Variants in MIA2 observed in about 807,000 individuals in gnomAD.
MIA2 encodes the protein melanoma inhibitory activity protein 2.
A neutral mutation model predicts 167.8 loss-of-function variants in MIA2; 127 were observed. The ratio of observed to expected loss-of-function variants is 0.76; its 90% CI spans 0.66 to 0.88. MIA2 has a LOEUF of 0.88. Among genes scored for constraint, MIA2 ranks in the 40% least tolerant of loss-of-function variants. The pLI is 0.00. For synonymous variants in MIA2, 552 were observed against 541.9 expected (o/e 1.02, Z -0.26); for missense variants, 1,690 against 1,624.7 (o/e 1.04, Z -0.69).
At chr14:39,308,180 T>G (rs933328613) in intron 17 of MIA2, among the ~76,000 whole-genome samples, 1 of 152,178 alleles carries the variant, frequency 6.6e-6, no homozygotes, top group Non-Finnish European at 1.5e-5. Flanking sequence ...GCGATGGTTA[T>G]GCTAATTACC....
chr14:39,243,358 A>G (rs2054144811), intron 3 of MIA2, among the ~76,000 whole-genome samples: 2 of 152,088 alleles, frequency 1.3e-5, no homozygotes, highest in Non-Finnish European at 2.9e-5. Context: ...ATATGGGAGT[A>G]TTTACTAGAG....
chr14:39,288,453 A>ATTTTTTTTT (rs1566747188), intron 9 of MIA2, among the ~76,000 whole-genome samples: 1 of 13,804 alleles, frequency 7.2e-5, no homozygotes, highest in African/African-American at 2.0e-4. Context: ...ATATATATAT[A>ATTTTTTTTT]TATATATATA....
chr14:39,308,969 G>A (rs1348479795), intron 18 of MIA2, among the ~76,000 whole-genome samples: 1 of 152,168 alleles, frequency 6.6e-6, no homozygotes, highest in Non-Finnish European at 1.5e-5. Context: ...CTGCCCAGGT[G>A]TTCCTTGGCT....
intron 13 of MIA2, among the ~76,000 whole-genome samples, chr14:39,298,257 T>C (rs555702907): frequency 2.4e-4 from 37 of 151,820 alleles, no homozygotes; most frequent in African/African-American, 8.2e-4. Flanking sequence ...CTGTATTCAC[T>C]GATGCCATGT....
chr14:39,382,953 GTTTTTTT>G (rs10689511), intron 23 of MIA2, among the ~76,000 whole-genome samples: 16 of 75,044 alleles, frequency 2.1e-4, no homozygotes, highest in Admixed American at 6.6e-4. Context: ...TATGGCCACA[GTTTTTTT>G]TTTTTTTTTT....
chr14:39,298,548 T>TTTG (rs1566804738), intron 13 of MIA2, among the ~76,000 whole-genome samples: 1 of 141,218 alleles, frequency 7.1e-6, no homozygotes, highest in Non-Finnish European at 1.5e-5. Context: ...TTTTTTTTTT[T>TTTG]TTTTTTGTGA....
intron 14 of MIA2, among the ~76,000 whole-genome samples, chr14:39,300,957 CAT>C (rs1566818252): frequency 1.4e-5 from 2 of 141,660 alleles, no homozygotes; most frequent in African/African-American, 2.7e-5. Context: ...TATACACATA[CAT>C]ATACACATAT....
intron 6 of MIA2, among the ~76,000 whole-genome samples, chr14:39,262,742 A>C (rs377010793): frequency 6.6e-6 from 1 of 151,966 alleles, no homozygotes; most frequent in Admixed American, 6.6e-5. Context: ...TCCCTTGTAA[A>C]TTGGATTCCT....
At chr14:39,333,581 G>A (rs2069477770) in intron 25 of MIA2, among the ~76,000 whole-genome samples, 2 of 152,114 alleles carry the variant, frequency 1.3e-5, no homozygotes, top group African/African-American at 4.8e-5. Flanking sequence ...AGTTTTGACT[G>A]CTGTGTGCTG....
At chr14:39,264,550 TG>T (rs1486424826) in intron 6 of MIA2, among the ~76,000 whole-genome samples, 1 of 152,250 alleles carries the variant, frequency 6.6e-6, no homozygotes, top group African/African-American at 2.4e-5. Context: ...TGAGTTCTAA[TG>T]TTTATATATT....
chr14:39,315,431 T>C, intron 20 of MIA2: 1 of 357,528 alleles, frequency 2.8e-6, no homozygotes, highest in Non-Finnish European at 5.0e-6. Flanking sequence ...ATATGTTAAC[T>C]GGCAATTCCT....
chr14:39,339,267 C>T (rs2071223798), intron 25 of MIA2, among the ~76,000 whole-genome samples: 2 of 152,148 alleles, frequency 1.3e-5, no homozygotes, highest in Non-Finnish European at 2.9e-5. Context: ...AAGGTACTGG[C>T]CCGCAGCCCA....
At chr14:39,265,159 G>A (rs915634914) in intron 6 of MIA2, 3 of 347,852 alleles carry the variant, frequency 8.6e-6, no homozygotes, top group African/African-American at 6.6e-5. Flanking sequence ...ATGTGTGTGA[G>A]TATATATATA....
intron 10 of MIA2, among the ~76,000 whole-genome samples, chr14:39,292,036 T>TTTAC (rs2060805598): frequency 6.6e-6 from 1 of 152,230 alleles, no homozygotes; most frequent in South Asian, 2.1e-4. Flanking sequence ...TGATTCAGAA[T>TTTAC]TTTCTAGTAG....
chr14:39,263,403 T>C (rs2055227473), intron 6 of MIA2, among the ~76,000 whole-genome samples: 1 of 151,512 alleles, frequency 6.6e-6, no homozygotes, highest in Admixed American at 6.6e-5. Context: ...TTTTTTTTTT[T>C]CTAAATTTTT....
intron 6 of MIA2, among the ~76,000 whole-genome samples, chr14:39,254,622 T>TA (rs1180441097): frequency 6.6e-6 from 1 of 152,206 alleles, no homozygotes; most frequent in Admixed American, 6.5e-5. Context: ...ATGCGCTGTC[T>TA]AAAGGATAAA....
At chr14:39,330,625 A>G (rs1296872823) in intron 25 of MIA2, among the ~76,000 whole-genome samples, 2 of 152,116 alleles carry the variant, frequency 1.3e-5, no homozygotes, top group Non-Finnish European at 2.9e-5. Flanking sequence ...CCCTCTAAAC[A>G]CTGCTTTAGC....
chr14:39,320,798 C>T (rs1301341136), intron 23 of MIA2, 130 bp from the exon 24 acceptor site: 2 of 895,610 alleles, frequency 2.2e-6, no homozygotes, highest in African/African-American at 1.7e-5. Flanking sequence ...TCAAAGGATA[C>T]ATTCAGGACA....
At chr14:39,267,411 C>T (rs754333482) in intron 6 of MIA2, 1 of 1,608,708 alleles carries the variant, frequency 6.2e-7, no homozygotes, top group South Asian at 1.1e-5. Context: ...TTATTGTGGC[C>T]CCGACAGGCC....
Sources: allele counts gnomAD v4.1 joint callset (sites outside exome capture counted in the v4.1 genomes callset), GRCh38; gene constraint gnomAD v4.1.1; transcripts MANE v1.5; gene names NCBI Gene and HGNC (gene_info 2026-07-23, HGNC 2026-07-21).